Variants in SYNE1 observed in about 807,000 individuals in gnomAD.
SYNE1 encodes nesprin-1.
SYNE1 carries 616 observed loss-of-function variants against 1,111.0 expected under a neutral mutation model. The observed-to-expected ratio is 0.55, with a 90% CI of 0.52 to 0.59. The LOEUF is 0.59. SYNE1 is among the 20% of genes least tolerant of loss of function. The pLI, the probability that SYNE1 is intolerant of heterozygous loss-of-function variation, is 0.00. For synonymous variants in SYNE1, 3,855 were observed against 3,825.8 expected (o/e 1.01, Z -0.28); for missense variants, 10,006 against 10,417.0 (o/e 0.96, Z 1.72).
At chr6:152,557,579 G>T (rs921742239) in intron 3 of SYNE1, among the ~76,000 whole-genome samples, 5 of 152,120 alleles carry the variant, frequency 3.3e-5, no homozygotes, top group Admixed American at 1.3e-4. Context: ...AAAGTGATTT[G>T]TTATGTATAA....
At chr6:152,612,986 G>C (rs1018458245) in intron 3 of SYNE1, among the ~76,000 whole-genome samples, 1 of 152,016 alleles carries the variant, frequency 6.6e-6, no homozygotes, top group Non-Finnish European at 1.5e-5. Flanking sequence ...TAGGTATTGA[G>C]GGAACATATC....
chr6:152,511,610 G>A (rs1220869159), intron 6 of SYNE1: 1 of 1,610,596 alleles, frequency 6.2e-7, no homozygotes, highest in African/African-American at 1.3e-5. Context: ...AAAAACAAAG[G>A]GAGAAGATAA....
chr6:152,404,116 T>TATATATAA, intron 46 of SYNE1, 97 bp downstream of exon 46: 2 of 616,588 alleles, frequency 3.2e-6, no homozygotes, highest in Non-Finnish European at 5.8e-6. Flanking sequence ...TATATATATA[T>TATATATAA]ACACACACAC....
chr6:152,305,647 T>C (rs185951433), intron 91 of SYNE1, among the ~76,000 whole-genome samples: 15 of 152,308 alleles, frequency 9.8e-5, no homozygotes, highest in South Asian at 6.2e-4. Flanking sequence ...GAAAACTAGA[T>C]TCACCATAAG....
At chr6:152,396,063 T>C (rs473101) in intron 50 of SYNE1, among the ~76,000 whole-genome samples, 59,638 of 152,032 alleles carry the variant, frequency 0.39, 12,172 homozygotes, top group East Asian at 0.75. Context: ...GATTACATTC[T>C]CATGTCAATG....
chr6:152,416,750 C>T lies in SYNE1; in HGVS notation c.5687G>A (p.Ser1896Asn). 5 of 1,614,224 alleles carry T rather than the reference C, an allele frequency of 3.1e-6. No homozygotes were observed. The South Asian group carries it at 3.3e-5, about 11-fold the overall frequency. The change falls in exon 41 of 146, where the codon AGT becomes AAT. Residue 1896 changes from serine (S) to asparagine (N), a missense_variant. By Grantham distance (46) the Ser-to-Asn change is conservative (BLOSUM62 1). This residue lies in a region of SYNE1 where 4,955 missense variants were observed against 5,017.2 expected (regional missense o/e 0.99). Transcript: ENST00000367255. ...CAAATCAGACTCGTTCTTATTCATA[C>T]TGTTGGTTGCTTCCACTGTTTGCCT... is the stretch of plus-strand genomic sequence containing the variant. The part of the protein sequence containing the change: ...QLRQTVEATN[S>N]MNKNESDLIE...
chr6:152,246,913 A>G (rs1176883852), intron 105 of SYNE1, among the ~76,000 whole-genome samples: 2 of 152,244 alleles, frequency 1.3e-5, no homozygotes, highest in Non-Finnish European at 2.9e-5. Context: ...AGGATCACAT[A>G]AAAACAGCAA....
intron 21 of SYNE1, among the ~76,000 whole-genome samples, chr6:152,460,872 G>A (rs1287974140): frequency 7.2e-6 from 1 of 138,780 alleles, no homozygotes; most frequent in East Asian, 2.1e-4. Context: ...GAGTGAAATG[G>A]CGCGATCTGG....
chr6:152,592,137 T>A (rs1565048810), intron 3 of SYNE1, among the ~76,000 whole-genome samples: 2 of 152,072 alleles, frequency 1.3e-5, no homozygotes, highest in Admixed American at 6.5e-5. Context: ...TTAAAACAAA[T>A]CTACCATTCG....
intron 104 of SYNE1, among the ~76,000 whole-genome samples, chr6:152,253,861 G>T (rs1294265338): frequency 1.8e-3 from 49 of 27,408 alleles, no homozygotes; most frequent in Non-Finnish European, 2.9e-3. Flanking sequence ...TTTTTTTTTT[G>T]CAAATCAAAA....
At chr6:152,387,471 G>T in intron 53 of SYNE1, 90 bp from the exon 54 acceptor site, 2 of 1,325,526 alleles carry the variant, frequency 1.5e-6, no homozygotes, top group Non-Finnish European at 1.1e-6. Context: ...CATGCCAATT[G>T]TTTTATTGAA....
At chr6:152,627,648 T>C (rs2099688465) in intron 3 of SYNE1, among the ~76,000 whole-genome samples, 1 of 151,952 alleles carries the variant, frequency 6.6e-6, no homozygotes, top group African/African-American at 2.4e-5. Flanking sequence ...CAGAGCAAGA[T>C]TCCATCTTAA....
At chr6:152,426,201 TA>T (rs1338318968) in intron 38 of SYNE1, among the ~76,000 whole-genome samples, 7 of 152,076 alleles carry the variant, frequency 4.6e-5, no homozygotes, top group Non-Finnish European at 8.8e-5. Flanking sequence ...GTAATAATAA[TA>T]AAAAAATATT....
At chr6:152,267,871 G>A (rs2153672233) in intron 100 of SYNE1, among the ~76,000 whole-genome samples, 185 bp downstream of exon 100, 1 of 152,280 alleles carries the variant, frequency 6.6e-6, no homozygotes, top group East Asian at 1.9e-4. Flanking sequence ...GCTTACTACA[G>A]GCGCTATGCT....
At chr6:152,244,453 A>G (rs1030142408) in intron 106 of SYNE1, 84 bp downstream of exon 106, 3 of 1,606,192 alleles carry the variant, frequency 1.9e-6, no homozygotes, top group Non-Finnish European at 2.6e-6. Context: ...TTTATAAAGA[A>G]AGCCAAGAAA....
At chr6:152,605,033 A>AGGGGGG (rs1284002995) in intron 3 of SYNE1, among the ~76,000 whole-genome samples, 3 of 25,420 alleles carry the variant, frequency 1.2e-4, no homozygotes, top group Non-Finnish European at 2.0e-4. Context: ...AGAGAGAGAG[A>AGGGGGG]GAGGGAGGGA....
At chr6:152,498,885 C>T in intron 10 of SYNE1, 93 bp from the exon 11 acceptor site, 1 of 669,820 alleles carries the variant, frequency 1.5e-6, no homozygotes, top group East Asian at 3.2e-5. Context: ...GGAAAGGCAT[C>T]CGCCTTTAGA....
At chr6:152,524,137 G>A (rs2623933) in intron 5 of SYNE1, among the ~76,000 whole-genome samples, 29,639 of 151,968 alleles carry the variant, frequency 0.2, 3,102 homozygotes, top group Middle Eastern at 0.32. Flanking sequence ...AGTTCTCAAG[G>A]GGAATGTTTT....
intron 9 of SYNE1, among the ~76,000 whole-genome samples, chr6:152,504,727 G>A (rs978854666): frequency 6.6e-6 from 1 of 152,068 alleles, no homozygotes; most frequent in African/African-American, 2.4e-5. Context: ...TAGCACTCAC[G>A]CCCTTACCAA....
Sources: allele counts gnomAD v4.1 joint callset (sites outside exome capture counted in the v4.1 genomes callset), GRCh38; gene constraint gnomAD v4.1.1; regional missense constraint gnomAD v4.1.1; transcripts MANE v1.5; gene names NCBI Gene and HGNC (gene_info 2026-07-23, HGNC 2026-07-21).